Variants in PVT1 observed in about 807,000 individuals in gnomAD.
PVT1 encodes CXCR4/PVT1 fusion.
intron 4 of PVT1, among the ~76,000 whole-genome samples, chr8:127,993,263 C>T (rs915165642): frequency 7.2e-5 from 11 of 152,186 alleles, no homozygotes; most frequent in Non-Finnish European, 1.3e-4. Flanking sequence ...GATCATACAC[C>T]GTCACACCCA....
In PVT1 at chr8:127,890,895, A is replaced by G. The variant is rs78278290; in HGVS notation, n.679A>G. On this transcript the variant is annotated non_coding_transcript_exon_variant, in exon 3 of 11. Coordinates refer to ENST00000651587, the Ensembl canonical transcript of PVT1. ...AGGGTTGAGATCTCTGTTTACTTAG[A>G]TCTCTGCCAACTTCCTTTGGGTCTC... The G allele has an allele frequency of 2.6e-5, 4 of 152,272 alleles. No homozygotes were observed. In the East Asian group the frequency reaches 5.8e-4, roughly 22 times the overall value. 9.4% of individuals were successfully genotyped at this position (152,272 alleles called of 1,614,324 possible).
At chr8:127,824,476 A>G (rs1285492848) in intron 2 of PVT1, among the ~76,000 whole-genome samples, 1 of 152,050 alleles carries the variant, frequency 6.6e-6, no homozygotes, top group East Asian at 1.9e-4. Flanking sequence ...ATTAAATTTT[A>G]CCTTTTTATC....
At chr8:127,930,852 G>A (rs1226965747) in intron 3 of PVT1, among the ~76,000 whole-genome samples, 2 of 152,120 alleles carry the variant, frequency 1.3e-5, no homozygotes, top group Non-Finnish European at 2.9e-5. Flanking sequence ...TGAATTTCAA[G>A]GTTTTGTTAA....
At chr8:127,796,982 G>A (rs1814404256) in intron 2 of PVT1, among the ~76,000 whole-genome samples, 1 of 150,280 alleles carries the variant, frequency 6.7e-6, no homozygotes, top group African/African-American at 2.4e-5. Context: ...AGGTTCAAGC[G>A]ATTCTCCTGC....
At chr8:127,985,524 G>A (rs78635499) in intron 3 of PVT1, among the ~76,000 whole-genome samples, 6,452 of 151,954 alleles carry the variant, frequency 0.042, 266 homozygotes, top group African/African-American at 0.1. Flanking sequence ...CTAACTGGTG[G>A]GGATCAGCTC....
chr8:127,856,560 C>G (rs146043997), intron 2 of PVT1, among the ~76,000 whole-genome samples: 1,931 of 152,104 alleles, frequency 0.013, 18 homozygotes, highest in Middle Eastern at 0.038. Context: ...AGGCTGGTCT[C>G]GAACTCCCGA....
intron 2 of PVT1, among the ~76,000 whole-genome samples, chr8:127,861,874 G>T (rs1815233018): frequency 6.6e-6 from 1 of 152,170 alleles, no homozygotes; most frequent in African/African-American, 2.4e-5. Context: ...GTCCTGCGGG[G>T]CTTTCAGATT....
At chr8:127,967,573 A>T (rs1201128858) in intron 3 of PVT1, among the ~76,000 whole-genome samples, 1 of 152,226 alleles carries the variant, frequency 6.6e-6, no homozygotes, top group Non-Finnish European at 1.5e-5. Flanking sequence ...AGCTCATTCC[A>T]GAGGGTGCTC....
At chr8:128,002,061 TC>T (rs1194013585) in intron 4 of PVT1, among the ~76,000 whole-genome samples, 2 of 152,222 alleles carry the variant, frequency 1.3e-5, no homozygotes, top group Non-Finnish European at 2.9e-5. Context: ...ACCAGGCACG[TC>T]AACAATCTTT....
At chr8:127,797,852 ATTG>A (rs1814415399) in intron 2 of PVT1, among the ~76,000 whole-genome samples, 1 of 152,124 alleles carries the variant, frequency 6.6e-6, no homozygotes, top group South Asian at 2.1e-4. Context: ...TAGGATGATT[ATTG>A]TTGTGGTTTT....
At chr8:127,836,928 C>T (rs189159470) in intron 2 of PVT1, among the ~76,000 whole-genome samples, 24 of 152,170 alleles carry the variant, frequency 1.6e-4, no homozygotes, top group African/African-American at 5.8e-4. Flanking sequence ...CACACCCATG[C>T]CAGGTGTGAT....
intron 2 of PVT1, among the ~76,000 whole-genome samples, chr8:127,807,458 G>T (rs898525771): frequency 6.6e-6 from 1 of 151,014 alleles, no homozygotes; most frequent in East Asian, 2.0e-4. Flanking sequence ...CTCAGCCTCC[G>T]GAGTAGCTGG....
At chr8:127,923,456 C>G (rs1226492098) in intron 3 of PVT1, among the ~76,000 whole-genome samples, 1 of 152,066 alleles carries the variant, frequency 6.6e-6, no homozygotes, top group Non-Finnish European at 1.5e-5. Context: ...CAGAGGAGGA[C>G]GAGGAGGATG....
intron 4 of PVT1, among the ~76,000 whole-genome samples, chr8:128,034,368 C>A (rs970475030): frequency 6.6e-6 from 1 of 152,218 alleles, no homozygotes; most frequent in African/African-American, 2.4e-5. Context: ...GGGGAAGAAA[C>A]CCATTTCCCT....
intron 4 of PVT1, among the ~76,000 whole-genome samples, chr8:128,045,992 G>A (rs1378132148): frequency 6.6e-6 from 1 of 152,222 alleles, no homozygotes; most frequent in African/African-American, 2.4e-5. Context: ...ATGCAGTGGA[G>A]TTTGAGGACC....
At chr8:127,809,029 C>CAA (rs1158760672) in intron 2 of PVT1, among the ~76,000 whole-genome samples, 1,352 of 28,130 alleles carry the variant, frequency 0.048, 152 homozygotes, top group African/African-American at 0.18. Flanking sequence ...GATTCCATCT[C>CAA]AAAAAAAAAA....
intron 5 of PVT1, among the ~76,000 whole-genome samples, chr8:128,087,808 A>G (rs1231003869): frequency 6.2e-5 from 8 of 128,396 alleles, no homozygotes; most frequent in Non-Finnish European, 1.1e-4. Context: ...GCTGGAGTGC[A>G]GTGGAGCAAT....
At chr8:127,906,493 T>TG (rs1401608412) in intron 3 of PVT1, among the ~76,000 whole-genome samples, 2 of 152,108 alleles carry the variant, frequency 1.3e-5, no homozygotes, top group Admixed American at 1.3e-4. Flanking sequence ...AAGGAGAAAC[T>TG]GGGGGTAGTT....
At chr8:127,877,115 G>T (rs951274772) in intron 2 of PVT1, among the ~76,000 whole-genome samples, 1 of 152,162 alleles carries the variant, frequency 6.6e-6, no homozygotes, top group South Asian at 2.1e-4. Flanking sequence ...GTTTCCTCTC[G>T]CCGAGGAGGA....
Sources: allele counts gnomAD v4.1 joint callset (sites outside exome capture counted in the v4.1 genomes callset), GRCh38; gene constraint gnomAD v4.1.1; transcripts MANE v1.5; gene names NCBI Gene and HGNC (gene_info 2026-07-23, HGNC 2026-07-21).